ZMYM6: variants seen among roughly 807,000 people sequenced by gnomAD.
The protein encoded by ZMYM6 is zinc finger MYM-type containing 6, also known as zinc finger MYM-type protein 6.
Under a neutral mutation model 134.0 loss-of-function variants are expected in ZMYM6, and 90 were observed. The observed-to-expected ratio is 0.67, with a 90% CI of 0.57 to 0.80. ZMYM6 has a LOEUF of 0.80. Among genes scored for constraint, ZMYM6 ranks in the 30% least tolerant of loss-of-function variants. The pLI is 0.00. For synonymous variants in ZMYM6, 481 were observed against 524.1 expected (o/e 0.92, Z 1.12); for missense variants, 1,362 against 1,533.9 (o/e 0.89, Z 1.87).
chr1:34,992,206 G>A, intron 15 of ZMYM6, 28 bp downstream of exon 15: 1 of 1,613,458 alleles, frequency 6.2e-7, no homozygotes, highest in Non-Finnish European at 8.5e-7. Flanking sequence ...AACAAGCTTT[G>A]TACATGGGAA....
chr1:35,020,338 A>G, intron 3 of ZMYM6, 45 bp downstream of exon 3: 3 of 1,526,308 alleles, frequency 2.0e-6, no homozygotes, highest in South Asian at 1.2e-5. Flanking sequence ...AAAAGTCAGA[A>G]TAAGCAAATT....
intron 11 of ZMYM6, 131 bp downstream of exon 11, chr1:35,008,621 T>C (rs941948371): frequency 2.0e-5 from 16 of 809,288 alleles, no homozygotes; most frequent in Admixed American, 3.4e-5. Flanking sequence ...TGAATTTTTC[T>C]ATTATAGCCC....
At chr1:35,007,357 G>A (rs532616804) in intron 11 of ZMYM6, among the ~76,000 whole-genome samples, 2 of 152,240 alleles carry the variant, frequency 1.3e-5, no homozygotes, top group South Asian at 2.1e-4. Context: ...TTAGGAGGCC[G>A]AGGTGGGCGG....
intron 2 of ZMYM6, among the ~76,000 whole-genome samples, chr1:35,022,957 A>T (rs1245499712): frequency 6.6e-6 from 1 of 152,034 alleles, no homozygotes; most frequent in Non-Finnish European, 1.5e-5. Context: ...TCTTAGTTTC[A>T]ATTTCTTTAT....
intron 14 of ZMYM6, among the ~76,000 whole-genome samples, chr1:34,993,975 G>A (rs1487566484): frequency 8.6e-5 from 13 of 150,736 alleles, no homozygotes; most frequent in Admixed American, 2.6e-4. Flanking sequence ...GTAAGCCACC[G>A]TGCCCGGCCA....
chr1:34,995,089 ATATG>A (rs1174481654), intron 14 of ZMYM6, among the ~76,000 whole-genome samples: 2 of 139,640 alleles, frequency 1.4e-5, no homozygotes, highest in South Asian at 2.1e-4. Flanking sequence ...ACATACGTAT[ATATG>A]TATGTATATA....
chr1:35,016,278 A>C (rs1272755021), intron 4 of ZMYM6, among the ~76,000 whole-genome samples: 1 of 152,190 alleles, frequency 6.6e-6, no homozygotes, highest in Non-Finnish European at 1.5e-5. Context: ...TAAAAATTAA[A>C]AGTGCAAGAT....
chr1:34,994,905 T>C (rs921123808), intron 14 of ZMYM6, among the ~76,000 whole-genome samples: 1 of 140,074 alleles, frequency 7.1e-6, no homozygotes, highest in Non-Finnish European at 1.5e-5. Context: ...TACACACATG[T>C]ATATATGTGT....
At chr1:34,992,029 A>C in intron 15 of ZMYM6, 1 of 668,464 alleles carries the variant, frequency 1.5e-6, no homozygotes, top group Non-Finnish European at 2.5e-6. Context: ...GTATGTTAGT[A>C]ATTATAATAG....
intron 2 of ZMYM6, among the ~76,000 whole-genome samples, chr1:35,026,107 G>A (rs774088010): frequency 6.9e-4 from 105 of 152,000 alleles, no homozygotes; most frequent in Middle Eastern, 3.4e-3. Flanking sequence ...TGCAACCTCC[G>A]CCTCCCAGGT....
At position 34,988,658 on chromosome 1, in the gene ZMYM6, A is replaced by T. The variant is rs1461405659; in HGVS notation, c.2424T>A (p.Ser808=). The T allele has an allele frequency of 2.6e-6, 4 of 1,547,070 alleles. No individual in the cohort carries two copies. Among genetic ancestry groups the T allele is most frequent in the Non-Finnish European group, 3.5e-6 (4 of 1,145,682 alleles). The part of the protein sequence containing the change: ...NKPVDFFEQK[S]LEMECQNSSL... ...AACTATTTTGACATTCCATTTCTAAAGATTTTTGTTCAAAAAAATCTACTG... is the reference window on the plus strand; with the variant it reads ...AACTATTTTGACATTCCATTTCTAATGATTTTTGTTCAAAAAAATCTACTG... The change falls in exon 16 of 16, where the codon TCT becomes TCA. Residue 808 remains serine (S), a synonymous_variant. Coordinates refer to ENST00000357182, the MANE Select transcript of ZMYM6 (RefSeq NM_007167.4).
At chr1:34,992,904 T>C (rs955743775) in intron 14 of ZMYM6, among the ~76,000 whole-genome samples, 2 of 147,082 alleles carry the variant, frequency 1.4e-5, no homozygotes, top group Non-Finnish European at 1.5e-5. Context: ...ACATATAATA[T>C]ATATTTTTAA....
chr1:35,030,521 T>G, intron 2 of ZMYM6, 26 bp downstream of exon 2: 1 of 1,578,960 alleles, frequency 6.3e-7, no homozygotes, highest in South Asian at 1.2e-5. Flanking sequence ...TTTTTTTAAA[T>G]TTTTAAATGA....
intron 3 of ZMYM6, 32 bp downstream of exon 3, chr1:35,020,351 T>C (rs1212544605): frequency 2.6e-6 from 4 of 1,547,460 alleles, no homozygotes; most frequent in Non-Finnish European, 3.5e-6. Flanking sequence ...AGCAAATTAA[T>C]TGTAACTAAC....
chr1:35,001,468 T>C (rs1640880000), intron 14 of ZMYM6, among the ~76,000 whole-genome samples: 1 of 152,172 alleles, frequency 6.6e-6, no homozygotes, highest in South Asian at 2.1e-4. Context: ...AAAAACTAAA[T>C]AATTCAAAAC....
chr1:35,025,214 T>C (rs1641386496), intron 2 of ZMYM6, among the ~76,000 whole-genome samples: 1 of 146,082 alleles, frequency 6.8e-6, no homozygotes, highest in Non-Finnish European at 1.5e-5. Context: ...CCAGGCACGG[T>C]GGCTCACGCC....
chr1:34,995,025 A>C (rs1569745885), intron 14 of ZMYM6, among the ~76,000 whole-genome samples: 1 of 107,894 alleles, frequency 9.3e-6, no homozygotes, highest in Non-Finnish European at 1.6e-5. Context: ...TTACATACGT[A>C]TATATATGTA....
Position 35,027,995 on chromosome 1 carries a change from C to G in ZMYM6, c.93+2552G>C, listed in dbSNP as rs566419199. On this transcript the variant is annotated intron_variant, in intron 2 of 15. Coordinates refer to ENST00000357182, the MANE Select transcript of ZMYM6 (RefSeq NM_007167.4). ...ATAGAGTTCATGAGTGAAACAAAAC[C>G]TACCTGACATCCCTGTCTTCTTATG... 4.6e-5 allele frequency among the ~76,000 whole-genome samples: 7 copies of G among 152,216 alleles called. No homozygotes were observed. In the South Asian group the frequency reaches 1.2e-3, roughly 27 times the overall value.
At chr1:34,991,855 G>A (rs1239720300) in intron 15 of ZMYM6, among the ~76,000 whole-genome samples, 1 of 152,070 alleles carries the variant, frequency 6.6e-6, no homozygotes, top group African/African-American at 2.4e-5. Flanking sequence ...TAAGGGTAGT[G>A]GGATTAAAAG....
Sources: allele counts gnomAD v4.1 joint callset (sites outside exome capture counted in the v4.1 genomes callset), GRCh38; gene constraint gnomAD v4.1.1; transcripts MANE v1.5; gene names NCBI Gene and HGNC (gene_info 2026-07-23, HGNC 2026-07-21).